DST: variants seen among roughly 807,000 people sequenced by gnomAD.
DST encodes the protein dystonin.
In DST, 253 loss-of-function variants were observed where a neutral mutation model predicts 875.2. That is an observed-to-expected ratio of 0.29 (90% CI 0.26 to 0.32). The LOEUF (loss-of-function observed/expected upper bound fraction) is 0.32. DST is among the 10% of genes least tolerant of loss of function. The pLI, the probability that DST is intolerant of heterozygous loss-of-function variation, is 1.00. For missense variants in DST, 8,287 were observed against 9,111.6 expected (o/e 0.91, Z 3.68); for synonymous variants, 3,124 against 3,197.1 (o/e 0.98, Z 0.77).
rs531880618 is a variant in DST at position 56,606,118 on chromosome 6, A to T, written c.8510T>A (p.Ile2837Asn). The T allele has an allele frequency of 1.3e-5, 21 of 1,612,834 alleles. 1 individual carries two copies. In the Admixed American group the frequency reaches 2.0e-4, roughly 15 times the overall value. Reference protein sequence around the residue: ...RCQNVAEDMDIQLCASILNEN... With the variant: ...RCQNVAEDMDNQLCASILNEN... ...ATTTAAAATAGAGGCACACAACTGG[A>T]TATCCATATCTTCAGCCACATTTTG... Residue 2837 changes from isoleucine (I) to asparagine (N), a missense_variant, in exon 40 of 104, where the codon ATC (isoleucine) becomes AAC (asparagine). Coordinates refer to ENST00000680361, the MANE Select transcript of DST (RefSeq NM_001374736.1).
At chr6:56,612,820 G>A (rs1031433991) in intron 37 of DST, among the ~76,000 whole-genome samples, 1 of 152,110 alleles carries the variant, frequency 6.6e-6, no homozygotes, top group Non-Finnish European at 1.5e-5. Flanking sequence ...GTCTAAATCT[G>A]ACTTAGTAAT....
rs771523826 is a variant in DST, at chr6:56,485,323, C to T, written c.21196G>A (p.Asp7066Asn). The T allele has an allele frequency of 6.2e-6, 10 of 1,613,428 alleles. No homozygotes were observed. The highest frequency in any genetic ancestry group is 3.3e-5 in the South Asian group (3 of 90,924). ...GDIDLVMNLI[D>N]NHKAFQKELG... ...CCAGATAACAATACCTTGTGATTAT[C>T]GATCAGATTCATCACCAAATCAATG... The change falls in exon 88 of 104, where the codon GAT becomes AAT. Residue 7066 changes from aspartate to asparagine, a missense_variant. Transcript: ENST00000680361.
At chr6:56,845,378 G>GA (rs200592561) in intron 4 of DST, among the ~76,000 whole-genome samples, 2,560 of 150,818 alleles carry the variant, frequency 0.017, 73 homozygotes, top group African/African-American at 0.057. Context: ...GTACTCGTGG[G>GA]AAAAAAAAAC....
At chr6:56,561,753 G>A (rs761658766) in intron 56 of DST, among the ~76,000 whole-genome samples, 9 of 151,958 alleles carry the variant, frequency 5.9e-5, no homozygotes, top group East Asian at 1.9e-4. Context: ...CAAGAAAATT[G>A]CATAACAAGT....
At chr6:56,589,299 T>C (rs1037879557) in intron 49 of DST, among the ~76,000 whole-genome samples, 1 of 152,208 alleles carries the variant, frequency 6.6e-6, no homozygotes, top group Admixed American at 6.5e-5. Flanking sequence ...CCTTTACTCT[T>C]GACAATTATA....
intron 103 of DST, among the ~76,000 whole-genome samples, chr6:56,459,844 C>T (rs547799759): frequency 7.2e-5 from 11 of 152,160 alleles, no homozygotes; most frequent in African/African-American, 1.4e-4. Context: ...CCTGTGCAAT[C>T]GCTGAGCTGG....
chr6:56,775,054 T>G (rs965244754), intron 4 of DST, among the ~76,000 whole-genome samples: 3 of 151,254 alleles, frequency 2.0e-5, no homozygotes, highest in Non-Finnish European at 2.9e-5. Context: ...GTCTACAGAT[T>G]CTTGCAAAAG....
At chr6:56,546,518 A>G (rs1302267423) in intron 61 of DST, among the ~76,000 whole-genome samples, 2 of 150,544 alleles carry the variant, frequency 1.3e-5, no homozygotes, top group Non-Finnish European at 3.0e-5. Flanking sequence ...TTTTCATATT[A>G]AAATACTGAC....
In DST at chr6:56,485,514, G is replaced by A. The variant is rs369426409; in HGVS notation, c.21048-43C>T. 2.7e-5 allele frequency: 42 copies of A among 1,578,344 alleles called. No homozygotes were observed. In the African/African-American group the frequency reaches 2.8e-4, roughly 11 times the overall value. ...AAAATTGATCCTTGCAACAAAAAAC[G>A]TCACTCATATATCTGAACATCTAAA... On this transcript the variant is annotated intron_variant, in intron 87 of 103. Transcript: ENST00000680361.
At chr6:56,763,118 G>A (rs1321539023) in intron 4 of DST, among the ~76,000 whole-genome samples, 2 of 151,974 alleles carry the variant, frequency 1.3e-5, no homozygotes, top group South Asian at 2.1e-4. Context: ...CCAAAGTGCT[G>A]GGATTACAGG....
intron 5 of DST, among the ~76,000 whole-genome samples, chr6:56,713,305 T>C (rs111958487): frequency 0.013 from 2,008 of 152,282 alleles, 40 homozygotes; most frequent in African/African-American, 0.046. Flanking sequence ...AAAGTGCTGG[T>C]TGTGGCAACT....
In DST at chr6:56,592,166, TTC is replaced by T. The variant is rs777214515; in HGVS notation, c.12903+14_12903+15del. Reference sequence around the variant, plus strand: ...GTAAGACTACTGGAAATGTGGATCTTTCTCTCGCTTTTTACCTTGGTCTCTTC... The same window carrying T: ...GTAAGACTACTGGAAATGTGGATCTTTCTCGCTTTTTACCTTGGTCTCTTC... On this transcript the variant is annotated intron_variant, in intron 49 of 103. Transcript: ENST00000680361. 3.7e-6 allele frequency: 6 copies of T among 1,609,014 alleles called. No homozygotes were observed. The South Asian group carries it at 6.7e-5, about 18-fold the overall frequency.
rs1441352443 is a variant in DST, at chr6:56,482,373, AG to A, written c.21403-196del. The A allele has an allele frequency of 5.1e-5, 35 of 680,512 alleles. No individual in the cohort carries two copies. In the East Asian group the frequency reaches 1.1e-3, roughly 21 times the overall value. The allele number at this position is 680,512 out of a possible 1,614,324, so 42.2% of individuals were successfully genotyped here. On this transcript the variant is annotated intron_variant, in intron 89 of 103. Transcript: ENST00000680361. ...AAAACACTTAATATATTAAAAAAAA[AG>A]CCTATATGAAGAAAAATTTACCACT...
chr6:56,609,651 G>A (rs1414325095), intron 39 of DST, among the ~76,000 whole-genome samples: 4 of 152,150 alleles, frequency 2.6e-5, no homozygotes, highest in African/African-American at 4.8e-5. Context: ...ATGATAGTGA[G>A]AAAACAGAAC....
intron 9 of DST, among the ~76,000 whole-genome samples, chr6:56,697,172 A>C (rs1233618331): frequency 6.6e-6 from 1 of 152,136 alleles, no homozygotes; most frequent in Non-Finnish European, 1.5e-5. Context: ...TCTCAGGCTA[A>C]AAAGTTTTGT....
intron 36 of DST, chr6:56,616,149 G>T (rs971049787): frequency 6.2e-7 from 1 of 1,614,112 alleles, no homozygotes; most frequent in Non-Finnish European, 8.5e-7. Context: ...TCTTTCTTGG[G>T]GACTAACCGG....
intron 4 of DST, among the ~76,000 whole-genome samples, chr6:56,759,500 T>C (rs931598890): frequency 1.3e-5 from 2 of 152,132 alleles, no homozygotes; most frequent in Non-Finnish European, 2.9e-5. Flanking sequence ...AAAACGTCTA[T>C]CTCAAGAAAC....
Position 56,624,420 on chromosome 6 carries a change from C to T in DST, c.4929+110G>A, listed in dbSNP as rs116472779. 1.5e-3 allele frequency: 1,113 copies of T among 750,622 alleles called. 10 individuals carry two copies. In the African/African-American group the frequency reaches 0.017, roughly 11 times the overall value. The allele number at this position is 750,622 out of a possible 1,614,324, so 46.5% of individuals were successfully genotyped here. ...CAATATTTATTTGTACATCTGCTAC[C>T]GGCCACATAAATTTATCATGAAACA... On this transcript the variant is annotated intron_variant, in intron 36 of 103. Coordinates refer to ENST00000680361, the MANE Select transcript of DST (RefSeq NM_001374736.1).
intron 2 of DST, among the ~76,000 whole-genome samples, chr6:56,919,712 C>A (rs965574935): frequency 2.6e-5 from 4 of 152,026 alleles, no homozygotes; most frequent in African/African-American, 4.8e-5. Context: ...TTTGGGAGGC[C>A]AAGGCAGGCA....
Sources: gnomAD v4.1 joint callset for allele counts (sites outside exome capture counted in the v4.1 genomes callset) on GRCh38, gnomAD v4.1.1 for gene constraint, MANE v1.5 for transcripts, NCBI Gene and HGNC (gene_info 2026-07-23, HGNC 2026-07-21) for gene names.